The following ANAPC7 variants were observed in gnomAD, a reference collection of about 807,000 sequenced individuals.
ANAPC7 encodes anaphase promoting complex subunit 7.
ANAPC7 carries 25 observed loss-of-function variants against 63.3 expected under a neutral mutation model. The ratio of observed to expected loss-of-function variants is 0.39; its 90% CI spans 0.29 to 0.55. The LOEUF (loss-of-function observed/expected upper bound fraction) is 0.55. Among genes scored for constraint, ANAPC7 ranks in the 20% least tolerant of loss-of-function variants. ANAPC7 has a pLI of 0.57. For missense variants in ANAPC7, 516 were observed against 691.7 expected (o/e 0.75, Z 2.85); for synonymous variants, 241 against 251.7 (o/e 0.96, Z 0.40).
chr12:110,375,318 G>A (rs1293166969), intron 10 of ANAPC7: 5 of 729,402 alleles, frequency 6.9e-6, no homozygotes, highest in East Asian at 1.3e-4. Context: ...GACAGCTCCC[G>A]AAACATAGCA....
intron 10 of ANAPC7, chr12:110,375,379 G>T (rs1392224945): frequency 5.2e-6 from 5 of 970,300 alleles, no homozygotes; most frequent in African/African-American, 1.8e-5. Flanking sequence ...TCAACTGTGT[G>T]CTGAACAATT....
intron 1 of ANAPC7, among the ~76,000 whole-genome samples, chr12:110,397,379 C>G (rs2062158394): frequency 6.6e-6 from 1 of 151,310 alleles, no homozygotes; most frequent in South Asian, 2.1e-4. Context: ...ACGGTGGAAC[C>G]CCAGCTCTAC....
rs1358142519 is a variant in ANAPC7, at chr12:110,376,215, G to A, written c.1359C>T (p.Ser453=). The A allele has an allele frequency of 6.2e-7, 1 of 1,613,772 alleles. No homozygotes were observed. The highest frequency in any genetic ancestry group is 1.3e-5 in the African/African-American group (1 of 75,000). ...TTCCATCTTCATATTTCTGTTCTCTGCCTGGGGGAATAAAAAAGACCCTCA... is the reference window on the plus strand; with the variant it reads ...TTCCATCTTCATATTTCTGTTCTCTACCTGGGGGAATAAAAAAGACCCTCA... ...KAVVKKAELL[S]REQKYEDGIA... The change falls in exon 10 of 11, where the codon AGC becomes AGT. Residue 453 remains serine, a splice_region_variant and synonymous_variant. Transcript: ENST00000455511.
At position 110,374,243 on chromosome 12, in the gene ANAPC7, C is replaced by A. The variant is rs1237477772; in HGVS notation, c.1599G>T (p.Val533=). 1.2e-6 allele frequency: 2 copies of A among 1,614,178 alleles called. No individual in the cohort carries two copies. Among genetic ancestry groups the A allele is most frequent in the Non-Finnish European group, 1.7e-6 (2 of 1,180,048 alleles). Residue 533 remains valine, a synonymous_variant, in exon 11 of 11, where the codon GTG becomes GTT. Transcript: ENST00000455511. ...SPTDATQEED[V]DDMEGSGEEG... is the part of the protein sequence containing the mutation. ...CTTCCCCACTCCCTTCCATGTCGTC[C>A]ACATCCTCCTCCTGAGTGGCATCCG... is the stretch of plus-strand genomic sequence containing the variant.
At chr12:110,382,461 A>AATATATATATATATATATAT (rs66967302) in intron 7 of ANAPC7, among the ~76,000 whole-genome samples, 11 of 30,842 alleles carry the variant, frequency 3.6e-4, no homozygotes, top group African/African-American at 7.3e-4. Flanking sequence ...AAAAAAAAAA[A>AATATATATATATATATATAT]ATATATATAT....
chr12:110,401,005 G>A (rs892041816), intron 1 of ANAPC7, among the ~76,000 whole-genome samples: 4 of 152,008 alleles, frequency 2.6e-5, no homozygotes, highest in Non-Finnish European at 2.9e-5. Flanking sequence ...AGCCGAGATC[G>A]CACCACTGCA....
intron 3 of ANAPC7, among the ~76,000 whole-genome samples, chr12:110,392,092 C>CAAAAAAA (rs1283316509): frequency 1.3e-4 from 2 of 14,860 alleles, no homozygotes; most frequent in South Asian, 2.3e-3. Context: ...CTCCACCTCA[C>CAAAAAAA]AAAAAAAAAA....
chr12:110,382,077 AGT>A, intron 7 of ANAPC7, 129 bp from the exon 8 acceptor site: 1 of 893,316 alleles, frequency 1.1e-6, no homozygotes, highest in Non-Finnish European at 1.6e-6. Context: ...CCACACTTAT[AGT>A]TTTAACCTAA....
intron 10 of ANAPC7, among the ~76,000 whole-genome samples, chr12:110,374,664 C>T (rs1881092440): frequency 1.3e-5 from 2 of 152,134 alleles, no homozygotes; most frequent in African/African-American, 4.8e-5. Flanking sequence ...CAAACATTAC[C>T]AGGTAAATTC....
intron 10 of ANAPC7, among the ~76,000 whole-genome samples, chr12:110,374,549 C>G (rs1301326873): frequency 6.6e-6 from 1 of 152,178 alleles, no homozygotes; most frequent in Non-Finnish European, 1.5e-5. Flanking sequence ...TTAGAGTTCT[C>G]AATTTGAGTT....
chr12:110,396,511 A>C (rs2062138914), intron 1 of ANAPC7, 59 bp from the exon 2 acceptor site: 1 of 1,365,416 alleles, frequency 7.3e-7, no homozygotes. Context: ...AAGCTCCCCC[A>C]GCTTCTTTTT....
chr12:110,373,959 A>G lies in ANAPC7; in HGVS notation c.*185T>C. 1.7e-6 allele frequency: 1 copy of G among 577,538 alleles called. No individual in the cohort carries two copies. Among genetic ancestry groups the G allele is most frequent in the Non-Finnish European group, 2.8e-6 (1 of 359,174 alleles). 35.8% of individuals were successfully genotyped at this position (577,538 alleles called of 1,614,324 possible). A position where few individuals can be genotyped will look rare whatever the true frequency, so the allele number is the denominator to read the frequency against. The stretch of plus-strand genomic sequence containing the variant: ...GCAGGGGAGGATGGAGATACATGGA[A>G]GGTTGGTCAGGCTCTGTTTTAGAAA... On this transcript the variant is annotated 3_prime_UTR_variant, in exon 11 of 11. Coordinates refer to ENST00000455511, the MANE Select transcript of ANAPC7 (RefSeq NM_016238.3).
intron 8 of ANAPC7, among the ~76,000 whole-genome samples, chr12:110,378,255 C>A (rs576625808): frequency 1.1e-4 from 17 of 152,070 alleles, no homozygotes; most frequent in Non-Finnish European, 2.4e-4. Flanking sequence ...CCACCACACC[C>A]GGCTAGTTTT....
chr12:110,381,011 C>T (rs1881788977), intron 8 of ANAPC7, among the ~76,000 whole-genome samples: 1 of 149,892 alleles, frequency 6.7e-6, no homozygotes, highest in Admixed American at 6.7e-5. Flanking sequence ...CAGAGAGATT[C>T]ATATTAATGA....
chr12:110,387,693 C>T, intron 5 of ANAPC7, 46 bp downstream of exon 5: 1 of 1,567,110 alleles, frequency 6.4e-7, no homozygotes, highest in Non-Finnish European at 8.7e-7. Flanking sequence ...GACTTCCAGA[C>T]AAGCAAAGGG....
rs540918548 is a variant in ANAPC7, at chr12:110,396,330, G to A, written c.224C>T (p.Ala75Val). ...TCTCACTTTTGAAGTTTTACTTAGC[G>A]CTTTCTTCTGCTGTAAAGCCATGGT... is the stretch of plus-strand genomic sequence containing the variant. ...KYTMALQQKK[A>V]LSKTSKVRPS... The change falls in exon 2 of 11, where the codon GCG becomes GTG. Residue 75 changes from alanine (A) to valine (V), a missense_variant. Transcript: ENST00000455511. 6.8e-6 allele frequency: 11 copies of A among 1,613,710 alleles called. No homozygotes were observed. The highest frequency in any genetic ancestry group is 5.0e-5 in the Admixed American group (3 of 59,952).
At chr12:110,381,624 C>T (rs1002604415) in intron 8 of ANAPC7, 128 bp downstream of exon 8, 3 of 921,156 alleles carry the variant, frequency 3.3e-6, no homozygotes, top group Non-Finnish European at 4.8e-6. Context: ...TGTGAGCCAC[C>T]ACGTCCGGCC....
intron 1 of ANAPC7, among the ~76,000 whole-genome samples, chr12:110,397,925 G>A (rs2062167860): frequency 6.6e-6 from 1 of 151,436 alleles, no homozygotes; most frequent in African/African-American, 2.4e-5. Flanking sequence ...GAAAGCCAAT[G>A]GGATAGCAAG....
rs753109984 is a variant in ANAPC7, at chr12:110,386,513, A to C, written c.675-44T>G. ...ACATTGAACCTTTAAATCTATTATA[A>C]ATCCTCTTAGTTGCTGAATCTGGAT... On this transcript the variant is annotated intron_variant, in intron 5 of 10. Transcript: ENST00000455511. 4 of 1,524,954 alleles carry C rather than the reference A, an allele frequency of 2.6e-6. No homozygotes were observed. In the African/African-American group the frequency reaches 4.2e-5, roughly 16 times the overall value. 94.5% of individuals were successfully genotyped at this position (1,524,954 alleles called of 1,614,324 possible).
Sources: allele counts gnomAD v4.1 joint callset (sites outside exome capture counted in the v4.1 genomes callset), GRCh38; gene constraint gnomAD v4.1.1; transcripts MANE v1.5; gene names NCBI Gene and HGNC (gene_info 2026-07-23, HGNC 2026-07-21).